Variants in PRR3 observed in about 807,000 individuals in gnomAD.
PRR3 encodes proline-rich protein 3.
PRR3 carries 16 observed loss-of-function variants against 22.4 expected under a neutral mutation model. The observed-to-expected ratio is 0.71, with a 90% CI of 0.48 to 1.09. PRR3 has a LOEUF of 1.09. PRR3 is among the 50% of genes least tolerant of loss of function. The probability of loss-of-function intolerance (pLI) is 0.00; values close to 1 mark genes in which losing one functional copy is unlikely to be tolerated. For missense variants in PRR3, 224 were observed against 243.4 expected (o/e 0.92, Z 0.53); for synonymous variants, 87 against 88.6 (o/e 0.98, Z 0.10).
intron 2 of PRR3, among the ~76,000 whole-genome samples, chr6:30,559,143 C>T (rs1393876501): frequency 2.6e-5 from 4 of 152,096 alleles, no homozygotes; most frequent in Non-Finnish European, 2.9e-5. Context: ...TTTGGGAGGC[C>T]GAGGCGGGCG....
intron 2 of PRR3, chr6:30,560,539 C>T (rs1428607963): frequency 6.6e-6 from 1 of 152,164 alleles, no homozygotes; most frequent in African/African-American, 2.4e-5. Context: ...AATCCCAGCA[C>T]TTTGGGAGGC....
upstream of PRR3, chr6:30,556,858 C>A (rs1800248820): frequency 1.0e-5 from 6 of 581,788 alleles, no homozygotes; most frequent in Non-Finnish European, 1.5e-5. The surrounding 1 kb of genome is among the most constrained non-coding windows in gnomAD (Gnocchi z 5.7). Flanking sequence ...GTTTACAGAT[C>A]ATAAGTGCAA....
At chr6:30,559,787 A>G (rs1283733967) in intron 2 of PRR3, among the ~76,000 whole-genome samples, 3 of 151,440 alleles carry the variant, frequency 2.0e-5, no homozygotes, top group Non-Finnish European at 2.9e-5. Context: ...TTACCCCAGA[A>G]CTCCTGCTTC....
intron 1 of PRR3, 132 bp downstream of exon 1, chr6:30,557,582 T>C (rs1800342248): frequency 3.1e-6 from 2 of 645,044 alleles, no homozygotes; most frequent in Non-Finnish European, 5.4e-6. Flanking sequence ...GGGATGGAAG[T>C]GGGGCTCTCC....
In PRR3 at chr6:30,561,752, A is replaced by C. The variant is rs1203110632; in HGVS notation, c.170-82A>C. ...TTTATGTATGCTGTTCTTCAATAAAAAAAATTTTTTTAATCACGGTTTATC... is the reference window on the plus strand; with the variant it reads ...TTTATGTATGCTGTTCTTCAATAAACAAAATTTTTTTAATCACGGTTTATC... On this transcript the variant is annotated intron_variant, in intron 2 of 3. Transcript: ENST00000376560. This position sits in a 1 kb window ranked among gnomAD's most constrained non-coding sequence, Gnocchi z 4.0. The C allele has an allele frequency of 2.2e-6, 3 of 1,371,978 alleles. No individual in the cohort carries two copies. Among genetic ancestry groups the C allele is most frequent in the Non-Finnish European group, 2.9e-6 (3 of 1,033,140 alleles). The allele number at this position is 1,371,978 out of a possible 1,614,324, so 85.0% of individuals were successfully genotyped here.
chr6:30,561,112 A>T lies in PRR3; in HGVS notation c.170-722A>T. 1 of 237,694 alleles carries T rather than the reference A, an allele frequency of 4.2e-6. No individual in the cohort carries two copies. Among genetic ancestry groups the T allele is most frequent in the Non-Finnish European group, 8.4e-6 (1 of 119,018 alleles). The allele number at this position is 237,694 out of a possible 1,614,324, so 14.7% of individuals were successfully genotyped here. A position where few individuals can be genotyped will look rare whatever the true frequency, so the allele number is the denominator to read the frequency against. ...CATGGCAAAATTTAAAAACCTAACAATTCCAAGTGTTGTCAAGGCTATAGG... is the reference window on the plus strand; with the variant it reads ...CATGGCAAAATTTAAAAACCTAACATTTCCAAGTGTTGTCAAGGCTATAGG... On this transcript the variant is annotated intron_variant, in intron 2 of 3. Transcript: ENST00000376560. This position sits in a 1 kb window ranked among gnomAD's most constrained non-coding sequence, Gnocchi z 4.0.
Position 30,561,900 on chromosome 6 carries a change from C to T in PRR3, c.236C>T (p.Pro79Leu), listed in dbSNP as rs769738868. ...LIPPLLSLPP[P>L]PWGRGPIRRG... ...CCACCACTGCTGAGTCTCCCACCTC[C>T]TCCTTGGGGTAGAGGCCCAATTCGG... Residue 79 changes from proline to leucine, a missense_variant, in exon 3 of 4, where the codon CCT (proline) becomes CTT (leucine). Transcript: ENST00000376560. This position sits in a 1 kb window ranked among gnomAD's most constrained non-coding sequence, Gnocchi z 4.0. The T allele has an allele frequency of 7.8e-5, 125 of 1,610,750 alleles. No homozygotes were observed. Among genetic ancestry groups the T allele is most frequent in the Middle Eastern group, 6.6e-4 (4 of 6,080 alleles).
In PRR3 at chr6:30,557,418, A is replaced by G; in HGVS notation, c.74A>G (p.Glu25Gly). The G allele has an allele frequency of 6.2e-7, 1 of 1,612,276 alleles. No individual in the cohort carries two copies. The highest frequency in any genetic ancestry group is 8.5e-7 in the Non-Finnish European group (1 of 1,179,762). ...CAGCCCCCGCTGCCCGAGCGGGAAG[A>G]GACTGGAGATGAGGAGGATGGGAGT... is the stretch of plus-strand genomic sequence containing the variant. ...QQQPPLPERE[E>G]TGDEEDGSPI... The change falls in exon 1 of 4, where the codon GAG (glutamate) becomes GGG (glycine). Residue 25 changes from glutamate (E) to glycine (G), a missense_variant. Glu to Gly is a moderately conservative substitution (Grantham distance 98). Transcript: ENST00000376560.
At position 30,561,748 on chromosome 6, in the gene PRR3, TAA is replaced by T; in HGVS notation, c.170-79_170-78del. 1.5e-6 allele frequency: 2 copies of T among 1,330,600 alleles called. No individual in the cohort carries two copies. Among genetic ancestry groups the T allele is most frequent in the Non-Finnish European group, 2.0e-6 (2 of 996,864 alleles). The allele number at this position is 1,330,600 out of a possible 1,614,324, so 82.4% of individuals were successfully genotyped here. On this transcript the variant is annotated intron_variant, in intron 2 of 3. Transcript: ENST00000376560. This position sits in a 1 kb window ranked among gnomAD's most constrained non-coding sequence, Gnocchi z 4.0. ...TGTCTTTATGTATGCTGTTCTTCAA[TAA>T]AAAAAATTTTTTTAATCACGGTTTA...
In PRR3 at chr6:30,561,962, G is replaced by A. The variant is rs758522512; in HGVS notation, c.298G>A (p.Gly100Ser). 1 of 1,613,046 alleles carries A rather than the reference G, an allele frequency of 6.2e-7. No homozygotes were observed. Among genetic ancestry groups the A allele is most frequent in the Non-Finnish European group, 8.5e-7 (1 of 1,180,032 alleles). ...CCCCAGGTCTAGCCCATATGGTCGT[G>A]GTTGGTGGGGAGTCAATGCAGAACC... The part of the protein sequence containing the change: ...LGPRSSPYGR[G>S]WWGVNAEPPF... Residue 100 changes from glycine (G) to serine (S), a missense_variant, in exon 3 of 4, where the codon GGT becomes AGT. Transcript: ENST00000376560. The surrounding 1 kb of genome is among the most constrained non-coding windows in gnomAD (Gnocchi z 4.0).
chr6:30,560,724 AGTGAGCCAAGATC>A (rs1800574578), intron 2 of PRR3: 1 of 152,230 alleles, frequency 6.6e-6, no homozygotes, highest in Non-Finnish European at 1.5e-5. Context: ...CAGAGGTTGC[AGTGAGCCAAGATC>A]GCGCCACTGC....
Position 30,561,806 on chromosome 6 carries a change from C to CTG in PRR3, c.170-24_170-23dup. 2 of 1,496,408 alleles carry CTG rather than the reference C, an allele frequency of 1.3e-6. No homozygotes were observed. The highest frequency in any genetic ancestry group is 1.3e-5 in the South Asian group (1 of 76,396). The allele number at this position is 1,496,408 out of a possible 1,614,324, so 92.7% of individuals were successfully genotyped here. A position where few individuals can be genotyped will look rare whatever the true frequency, so the allele number is the denominator to read the frequency against. The stretch of plus-strand genomic sequence containing the variant: ...ATTCAGCTGCCCATTAGACACCTTT[C>CTG]TGTGTCTCTCTCTCTCTCTCTCTCC... On this transcript the variant is annotated intron_variant, in intron 2 of 3. Transcript: ENST00000376560. The surrounding 1 kb of genome is among the most constrained non-coding windows in gnomAD (Gnocchi z 4.0).
intron 2 of PRR3, chr6:30,558,502 T>C: frequency 2.3e-6 from 1 of 433,278 alleles, no homozygotes. Context: ...ATCAAGACAA[T>C]CTTGAAGTGG....
upstream of PRR3, chr6:30,557,291 G>T: frequency 7.3e-7 from 1 of 1,373,884 alleles, no homozygotes. Flanking sequence ...GAATCCCCGC[G>T]TGCCCCTTCC....
At chr6:30,560,793 CAA>C (rs1800579529) in intron 2 of PRR3, 1 of 152,506 alleles carries the variant, frequency 6.6e-6, no homozygotes, top group African/African-American at 2.4e-5. Context: ...AAAAAACAAA[CAA>C]AAACTTGGAG....
At chr6:30,557,188 T>A, upstream of PRR3, 1 of 719,194 alleles carries the variant, frequency 1.4e-6, no homozygotes, top group Non-Finnish European at 2.5e-6. Context: ...GGCTCCGGAA[T>A]GCGGCCGCCG....
intron 3 of PRR3, 50 bp from the exon 4 acceptor site, chr6:30,562,338 GT>G: frequency 7.1e-7 from 1 of 1,413,684 alleles, no homozygotes; most frequent in South Asian, 1.2e-5. Flanking sequence ...CATTGTATTT[GT>G]TTTCTTTGTT....
chr6:30,561,745 C>G lies in PRR3; in HGVS notation c.170-89C>G, dbSNP rs1800641477. The G allele has an allele frequency of 6.2e-6, 8 of 1,293,080 alleles. No individual in the cohort carries two copies. The South Asian group carries it at 9.4e-5, about 15-fold the overall frequency. 80.1% of individuals were successfully genotyped at this position (1,293,080 alleles called of 1,614,324 possible). ...GTGTGTCTTTATGTATGCTGTTCTT[C>G]AATAAAAAAAATTTTTTTAATCACG... On this transcript the variant is annotated intron_variant, in intron 2 of 3. Transcript: ENST00000376560. This position sits in a 1 kb window ranked among gnomAD's most constrained non-coding sequence, Gnocchi z 4.0.
rs117480137 is a variant in PRR3, at chr6:30,561,652, C to T, written c.170-182C>T. On this transcript the variant is annotated intron_variant, in intron 2 of 3. Transcript: ENST00000376560. This position sits in a 1 kb window ranked among gnomAD's most constrained non-coding sequence, Gnocchi z 4.0. ...TTTTGAGGTGCTAATAAGGCTTTAT[C>T]TCTTCACCTGGTGGTGGAAACTCAA... 9.6e-5 allele frequency: 59 copies of T among 616,644 alleles called. No homozygotes were observed. In the East Asian group the frequency reaches 1.6e-3, roughly 17 times the overall value. The allele number at this position is 616,644 out of a possible 1,614,324, so 38.2% of individuals were successfully genotyped here.
Sources: gnomAD v4.1 joint callset for allele counts (sites outside exome capture counted in the v4.1 genomes callset) on GRCh38, gnomAD v4.1.1 for gene constraint, Gnocchi (gnomAD v3.1) non-coding constraint, MANE v1.5 for transcripts, NCBI Gene and HGNC (gene_info 2026-07-23, HGNC 2026-07-21) for gene names.